ST3GAL4: variants seen among roughly 807,000 people sequenced by gnomAD.
The protein encoded by ST3GAL4 is CMP-N-acetylneuraminate-beta-galactosamide-alpha-2,3-sialyltransferase 4.
A neutral mutation model predicts 42.6 loss-of-function variants in ST3GAL4; 24 were observed. The observed-to-expected ratio is 0.56, with a 90% CI of 0.41 to 0.79. The LOEUF is 0.79. Among genes scored for constraint, ST3GAL4 ranks in the 30% least tolerant of loss-of-function variants. ST3GAL4 has a pLI of 0.00. For missense variants in ST3GAL4, 311 were observed against 430.8 expected (o/e 0.72, Z 2.46); for synonymous variants, 135 against 163.2 (o/e 0.83, Z 1.32).
chr11:126,366,186 C>T lies in ST3GAL4; in HGVS notation c.-61+10344C>T, dbSNP rs542933860. On this transcript the variant is annotated intron_variant, in intron 1 of 10. Coordinates refer to ENST00000444328, the MANE Select transcript of ST3GAL4 (RefSeq NM_001254757.2). This position sits in a 1 kb window ranked among gnomAD's most constrained non-coding sequence, Gnocchi z 4.2. ...TGCAAGCTGACAAACAAAGTCTATA[C>T]GAGCCAGAGCTGGGGTGGGAGGAAC... Among the ~76,000 whole-genome samples, 109 of 152,274 alleles carry T rather than the reference C, an allele frequency of 7.2e-4. No homozygotes were observed. The highest frequency in any genetic ancestry group is 1.3e-3 in the Non-Finnish European group (88 of 68,022).
intron 1 of ST3GAL4, among the ~76,000 whole-genome samples, chr11:126,380,217 G>A (rs1461155202): frequency 2.0e-5 from 3 of 151,238 alleles, no homozygotes; most frequent in Non-Finnish European, 4.4e-5. Flanking sequence ...TGCCGAGATT[G>A]TGCCACCGCA....
intron 1 of ST3GAL4, among the ~76,000 whole-genome samples, chr11:126,403,007 T>C (rs748804801): frequency 1.1e-4 from 17 of 152,210 alleles, no homozygotes; most frequent in Admixed American, 3.9e-4. Context: ...CTACTGTGGC[T>C]TTGCTCCTGC....
At chr11:126,408,828 C>T in intron 8 of ST3GAL4, 1 of 437,030 alleles carries the variant, frequency 2.3e-6, no homozygotes, top group South Asian at 3.5e-5. Context: ...GCAGCCATCT[C>T]CAGGCTGAGG....
rs1954652624 is a variant in ST3GAL4, at chr11:126,414,398, G to A, written c.*351G>A. 1 of 267,534 alleles carries A rather than the reference G, an allele frequency of 3.7e-6. No individual in the cohort carries two copies. The allele number at this position is 267,534 out of a possible 1,614,324, so 16.6% of individuals were successfully genotyped here. The stretch of plus-strand genomic sequence containing the variant: ...TCCCACACATCCAGGAAAGAGGCCA[G>A]TAGAGAATTCTGCCCACTTTTTATA... On this transcript the variant is annotated 3_prime_UTR_variant, in exon 11 of 11. Coordinates refer to ENST00000444328, the MANE Select transcript of ST3GAL4 (RefSeq NM_001254757.2).
intron 1 of ST3GAL4, among the ~76,000 whole-genome samples, chr11:126,401,203 A>G (rs1029343690): frequency 1.3e-5 from 2 of 152,184 alleles, no homozygotes; most frequent in Admixed American, 1.3e-4. Context: ...TCTGAAAATG[A>G]GTGAACTTGT....
intron 1 of ST3GAL4, among the ~76,000 whole-genome samples, chr11:126,390,541 G>A (rs768538029): frequency 2.0e-5 from 3 of 151,510 alleles, no homozygotes; most frequent in Non-Finnish European, 4.4e-5. Context: ...CCCTGGTCAC[G>A]AGTGAGCCTC....
chr11:126,402,091 A>AGGGGGGGGG (rs146212978), intron 1 of ST3GAL4, among the ~76,000 whole-genome samples: 22 of 131,656 alleles, frequency 1.7e-4, no homozygotes, highest in South Asian at 2.9e-4. Context: ...ATTTGGGGGA[A>AGGGGGGGGG]AGAGGGGAGG....
At position 126,384,786 on chromosome 11, in the gene ST3GAL4, G is replaced by A; in HGVS notation, c.-60-21310G>A. The A allele has an allele frequency of 1.0e-6, 1 of 985,414 alleles. No homozygotes were observed. Among genetic ancestry groups the A allele is most frequent in the South Asian group, 4.7e-5 (1 of 21,284 alleles). 61.0% of individuals were successfully genotyped at this position (985,414 alleles called of 1,614,324 possible). On this transcript the variant is annotated intron_variant, in intron 1 of 10. Transcript: ENST00000444328. This position sits in a 1 kb window ranked among gnomAD's most constrained non-coding sequence, Gnocchi z 5.5. ...TCGAGGGCAGGACAGAGTGGGAGTG[G>A]CAGTGCCTCTGCCTGTCTCCCTGGC...
rs1429113833 is a variant in ST3GAL4 at position 126,400,660 on chromosome 11, A to C, written c.-60-5436A>C. ...GCAAGAGGGTGATTTGATCCATATC[A>C]TTTCTTAGAAGGATACCATGTTGGC... On this transcript the variant is annotated intron_variant, in intron 1 of 10. Coordinates refer to ENST00000444328, the MANE Select transcript of ST3GAL4 (RefSeq NM_001254757.2). The surrounding 1 kb of genome is among the most constrained non-coding windows in gnomAD (Gnocchi z 4.6). Among the ~76,000 whole-genome samples, 1 of 152,180 alleles carries C rather than the reference A, an allele frequency of 6.6e-6. No homozygotes were observed. Among genetic ancestry groups the C allele is most frequent in the Admixed American group, 6.5e-5 (1 of 15,272 alleles).
intron 8 of ST3GAL4, 58 bp downstream of exon 8, chr11:126,408,554 A>C: frequency 6.3e-7 from 1 of 1,585,082 alleles, no homozygotes; most frequent in Non-Finnish European, 8.6e-7. Flanking sequence ...TGCCCGAGTC[A>C]GGACCTCACG....
At position 126,410,142 on chromosome 11, in the gene ST3GAL4, A is replaced by G. The variant is rs1230664440; in HGVS notation, c.771+731A>G. On this transcript the variant is annotated intron_variant, in intron 9 of 10. Transcript: ENST00000444328. This position sits in a 1 kb window ranked among gnomAD's most constrained non-coding sequence, Gnocchi z 5.3. ...GGCTGGTCCTGAACTCCTGGCCTCA[A>G]GTGATCCTCGTGTCTCAGCCTCCCA... 2.0e-5 allele frequency among the ~76,000 whole-genome samples: 3 copies of G among 152,176 alleles called. No individual in the cohort carries two copies. Among genetic ancestry groups the G allele is most frequent in the African/African-American group, 7.2e-5 (3 of 41,460 alleles).
rs571977719 is a variant in ST3GAL4, at chr11:126,392,872, G to C, written c.-60-13224G>C. 6.6e-6 allele frequency among the ~76,000 whole-genome samples: 1 copy of C among 152,228 alleles called. No individual in the cohort carries two copies. The highest frequency in any genetic ancestry group is 1.9e-4 in the East Asian group (1 of 5,186). ...TGCAGGGAGGAAACTGTGGCTGGGA[G>C]GAGAGGAGGCCGGAAGAGAGGTCTG... On this transcript the variant is annotated intron_variant, in intron 1 of 10. Transcript: ENST00000444328. This position sits in a 1 kb window ranked among gnomAD's most constrained non-coding sequence, Gnocchi z 5.8.
rs1952741929 is a variant in ST3GAL4, at chr11:126,373,897, A to G, written c.-61+18055A>G. Among the ~76,000 whole-genome samples, 1 of 152,102 alleles carries G rather than the reference A, an allele frequency of 6.6e-6. No individual in the cohort carries two copies. On this transcript the variant is annotated intron_variant, in intron 1 of 10. Coordinates refer to ENST00000444328, the MANE Select transcript of ST3GAL4 (RefSeq NM_001254757.2). This position sits in a 1 kb window ranked among gnomAD's most constrained non-coding sequence, Gnocchi z 5.5. ...AGCGTCCAGCCAGGGACTGTGCCGC[A>G]GGGGCCAGAAGATATCTGACCTACT...
chr11:126,368,862 T>C (rs1031127498), intron 1 of ST3GAL4, among the ~76,000 whole-genome samples: 2 of 152,182 alleles, frequency 1.3e-5, no homozygotes, highest in Non-Finnish European at 2.9e-5. Flanking sequence ...CTGCTCTGAA[T>C]GGTGTTGCTG....
At chr11:126,405,813 A>C (rs2135539920) in intron 1 of ST3GAL4, 1 of 452,354 alleles carries the variant, frequency 2.2e-6, no homozygotes, top group African/African-American at 2.0e-5. Flanking sequence ...ACCACACCAG[A>C]GAGGCTGGAG....
At chr11:126,375,869 C>CT (rs11443803) in intron 1 of ST3GAL4, among the ~76,000 whole-genome samples, 25,588 of 122,438 alleles carry the variant, frequency 0.21, 2,809 homozygotes, top group African/African-American at 0.27. Flanking sequence ...CCTTTTCTTC[C>CT]TTTTTTTTTT....
chr11:126,359,742 T>TCCTTCCCTCCTTCCCTCCTTCCCC lies in ST3GAL4; in HGVS notation c.-61+3901_-61+3924dup, dbSNP rs1341050184. On this transcript the variant is annotated intron_variant, in intron 1 of 10. Transcript: ENST00000444328. The surrounding 1 kb of genome is among the most constrained non-coding windows in gnomAD (Gnocchi z 4.8). Reference sequence around the variant, plus strand: ...AGGTTCTTCTCCCTCCCTCCTTCCCTCCTTCCCTCCTTCCCTCCTTCCCCG... The same window carrying TCCTTCCCTCCTTCCCTCCTTCCCC: ...AGGTTCTTCTCCCTCCCTCCTTCCCTCCTTCCCTCCTTCCCTCCTTCCCCCCTTCCCTCCTTCCCTCCTTCCCCG... Among the ~76,000 whole-genome samples, 10 of 151,972 alleles carry TCCTTCCCTCCTTCCCTCCTTCCCC rather than the reference T, an allele frequency of 6.6e-5. 1 individual carries two copies. Among genetic ancestry groups the TCCTTCCCTCCTTCCCTCCTTCCCC allele is most frequent in the South Asian group, 2.1e-4 (1 of 4,814 alleles).
chr11:126,401,295 C>T (rs1953979460), intron 1 of ST3GAL4, among the ~76,000 whole-genome samples: 2 of 151,522 alleles, frequency 1.3e-5, no homozygotes, highest in South Asian at 4.2e-4. Flanking sequence ...GGTGGACCCT[C>T]GGTGGCTCAC....
At position 126,373,323 on chromosome 11, in the gene ST3GAL4, CT is replaced by C. The variant is rs1429900187; in HGVS notation, c.-61+17482del. Among the ~76,000 whole-genome samples the C allele has an allele frequency of 2.6e-5, 4 of 152,288 alleles. No homozygotes were observed. In the East Asian group the frequency reaches 7.7e-4, roughly 29 times the overall value. On this transcript the variant is annotated intron_variant, in intron 1 of 10. Transcript: ENST00000444328. This position sits in a 1 kb window ranked among gnomAD's most constrained non-coding sequence, Gnocchi z 5.5. The stretch of plus-strand genomic sequence containing the variant: ...GATCCTTGGGGTGGGTGCATTGCTT[CT>C]CCTGGGATGGAGGGGTGCCGGGGAG...
Sources: gnomAD v4.1 joint callset for allele counts (sites outside exome capture counted in the v4.1 genomes callset) on GRCh38, gnomAD v4.1.1 for gene constraint, Gnocchi (gnomAD v3.1) non-coding constraint, MANE v1.5 for transcripts, NCBI Gene and HGNC (gene_info 2026-07-23, HGNC 2026-07-21) for gene names.